The following LEF1 variants were observed in gnomAD, a reference collection of about 807,000 sequenced individuals.
LEF1 encodes lymphoid enhancer binding factor 1, also known as lymphoid enhancer-binding factor 1.
A neutral mutation model predicts 51.2 loss-of-function variants in LEF1; 14 were observed. That is an observed-to-expected ratio of 0.27 (90% CI 0.18 to 0.43). LEF1 has a LOEUF of 0.43. Among genes scored for constraint, LEF1 ranks in the 20% least tolerant of loss-of-function variants. The pLI is 1.00. For synonymous variants in LEF1, 185 were observed against 183.2 expected, an observed-to-expected ratio of 1.01 and a Z score of -0.08; for missense variants, 386 against 512.0, an observed-to-expected ratio of 0.75 and a Z score of 2.37.
At chr4:108,078,077 C>G in intron 8 of LEF1, 143 bp downstream of exon 8, 1 of 813,084 alleles carries the variant, frequency 1.2e-6, no homozygotes, top group Admixed American at 2.3e-5. Context: ...AAACAGTTAT[C>G]AAAATTCTTT....
At chr4:108,133,317 GA>G (rs796552064) in intron 3 of LEF1, among the ~76,000 whole-genome samples, 5 of 152,270 alleles carry the variant, frequency 3.3e-5, no homozygotes, top group African/African-American at 1.2e-4. Flanking sequence ...TATTAAATGA[GA>G]GTTTATCATG....
At chr4:108,150,435 G>A (rs1223570291) in intron 3 of LEF1, among the ~76,000 whole-genome samples, 2 of 152,154 alleles carry the variant, frequency 1.3e-5, no homozygotes, top group African/African-American at 4.8e-5. Context: ...ACCCCAGGAA[G>A]CAATATTTCC....
intron 9 of LEF1, among the ~76,000 whole-genome samples, chr4:108,069,843 A>G (rs778012195): frequency 6.6e-6 from 1 of 152,016 alleles, no homozygotes; most frequent in Non-Finnish European, 1.5e-5. Context: ...CTGTAATCCC[A>G]ACTGCTTGAG....
At chr4:108,157,179 T>TATATATACACACACAC (rs780217431) in intron 3 of LEF1, among the ~76,000 whole-genome samples, 1 of 116,740 alleles carries the variant, frequency 8.6e-6, no homozygotes, top group African/African-American at 3.3e-5. Context: ...TATATATATA[T>TATATATACACACACAC]ACACACACAC....
chr4:108,152,226 A>G (rs2110397599), intron 3 of LEF1, among the ~76,000 whole-genome samples: 1 of 152,316 alleles, frequency 6.6e-6, no homozygotes, highest in South Asian at 2.1e-4. Context: ...GGGAATAGAG[A>G]ACAGGGCATT....
At chr4:108,115,840 A>AACACCTAC (rs1553955157) in intron 3 of LEF1, among the ~76,000 whole-genome samples, 5 of 81,062 alleles carry the variant, frequency 6.2e-5, no homozygotes, top group African/African-American at 2.7e-4. Context: ...CCTATAATGT[A>AACACCTAC]ACACATACAC....
chr4:108,162,024 A>C (rs1381702263), intron 3 of LEF1, among the ~76,000 whole-genome samples: 1 of 152,196 alleles, frequency 6.6e-6, no homozygotes, highest in Non-Finnish European at 1.5e-5. Context: ...AAAAATTTAA[A>C]GTCTCCTACA....
chr4:108,112,975 CCT>C (rs1741620696), intron 3 of LEF1, among the ~76,000 whole-genome samples: 1 of 152,128 alleles, frequency 6.6e-6, no homozygotes, highest in African/African-American at 2.4e-5. Flanking sequence ...CAGAAACCAC[CCT>C]GTTGGAGGAA....
chr4:108,129,185 A>G (rs1289952696), intron 3 of LEF1, among the ~76,000 whole-genome samples: 1 of 152,154 alleles, frequency 6.6e-6, no homozygotes, highest in African/African-American at 2.4e-5. Flanking sequence ...CCTCTGCAGG[A>G]CTGGGGTCAC....
intron 3 of LEF1, among the ~76,000 whole-genome samples, chr4:108,093,934 C>T (rs1285280721): frequency 2.0e-5 from 3 of 152,174 alleles, no homozygotes; most frequent in Non-Finnish European, 4.4e-5. Context: ...AGCACTTTAT[C>T]CTCACAACAG....
intron 11 of LEF1, among the ~76,000 whole-genome samples, chr4:108,056,858 T>C (rs760363787): frequency 4.9e-5 from 7 of 142,908 alleles, no homozygotes; most frequent in Non-Finnish European, 9.0e-5. Flanking sequence ...CTCACCACTG[T>C]GGTAAAATGG....
chr4:108,126,491 C>A (rs1007265078), intron 3 of LEF1, among the ~76,000 whole-genome samples: 4 of 151,748 alleles, frequency 2.6e-5, no homozygotes, highest in Non-Finnish European at 5.9e-5. Context: ...TTTTTTTATT[C>A]TTTTTTAATA....
chr4:108,076,265 T>C (rs898157011), intron 8 of LEF1, among the ~76,000 whole-genome samples: 4 of 152,264 alleles, frequency 2.6e-5, no homozygotes, highest in Non-Finnish European at 5.9e-5. Context: ...ATTTGTCTAA[T>C]GTCTGTATTC....
chr4:108,064,655 T>TCA (rs59828005), intron 9 of LEF1, among the ~76,000 whole-genome samples: 1,537 of 127,878 alleles, frequency 0.012, 21 homozygotes, highest in African/African-American at 0.037. Context: ...TCTCTCTCAC[T>TCA]CACACACACA....
intron 5 of LEF1, among the ~76,000 whole-genome samples, chr4:108,082,417 GGAGA>G (rs373599034): frequency 1.3e-5 from 2 of 151,942 alleles, no homozygotes; most frequent in African/African-American, 4.8e-5. Flanking sequence ...GTAATGCTAG[GGAGA>G]GAGAGAGAGA....
intron 3 of LEF1, among the ~76,000 whole-genome samples, chr4:108,146,672 T>C (rs1435946021): frequency 6.6e-6 from 1 of 152,230 alleles, no homozygotes; most frequent in Non-Finnish European, 1.5e-5. Context: ...TATATACCTA[T>C]TGGTTCAGTA....
rs1016488198 is a variant in LEF1 at position 108,151,810 on chromosome 4, C to G, written c.414+11758G>C. On this transcript the variant is annotated intron_variant, in intron 3 of 11. Coordinates refer to ENST00000265165, the MANE Select transcript of LEF1 (RefSeq NM_016269.5). ...AAATAATTTCTAAGCTCCATTTTGG[C>G]TTTGCGATTCCATACAAATTTATAT... is the stretch of plus-strand genomic sequence containing the variant. 5.9e-5 allele frequency among the ~76,000 whole-genome samples: 9 copies of G among 152,182 alleles called. No individual in the cohort carries two copies. The East Asian group carries it at 1.7e-3, about 29-fold the overall frequency.
intron 3 of LEF1, among the ~76,000 whole-genome samples, chr4:108,099,578 A>ATGTGTGTATG (rs778362206): frequency 2.3e-5 from 1 of 44,418 alleles, no homozygotes; most frequent in South Asian, 6.8e-4. Context: ...GTGTATATAT[A>ATGTGTGTATG]TATATATATA....
chr4:108,106,917 C>G (rs1200345312), intron 3 of LEF1, among the ~76,000 whole-genome samples: 1 of 152,100 alleles, frequency 6.6e-6, no homozygotes, highest in Non-Finnish European at 1.5e-5. Flanking sequence ...TGCATGGAGG[C>G]GGACACAGGT....
Sources: gnomAD v4.1 joint callset for allele counts (sites outside exome capture counted in the v4.1 genomes callset) on GRCh38, gnomAD v4.1.1 for gene constraint, MANE v1.5 for transcripts, NCBI Gene and HGNC (gene_info 2026-07-23, HGNC 2026-07-21) for gene names.